Variants in RNF150 observed in about 807,000 individuals in gnomAD.
RNF150 encodes the protein ring finger protein 150.
A neutral mutation model predicts 39.3 loss-of-function variants in RNF150; 24 were observed. The ratio of observed to expected loss-of-function variants is 0.61; its 90% CI spans 0.44 to 0.86. RNF150 has a LOEUF of 0.86. Ranked by LOEUF, RNF150 falls within the 40% of genes least tolerant of loss-of-function variation. The pLI is 0.00. For missense variants in RNF150, 502 were observed against 587.8 expected, an observed-to-expected ratio of 0.85 and a Z score of 1.51; for synonymous variants, 255 against 227.3, an observed-to-expected ratio of 1.12 and a Z score of -1.10.
intron 1 of RNF150, among the ~76,000 whole-genome samples, chr4:141,171,460 A>AAGAGAGAG (rs67118049): frequency 1.5e-4 from 22 of 148,930 alleles, no homozygotes; most frequent in African/African-American, 5.2e-4. Flanking sequence ...GACAGACAGA[A>AAGAGAGAG]AGAGAGAGAG....
chr4:141,140,782 C>T (rs968772836), intron 1 of RNF150, among the ~76,000 whole-genome samples: 2 of 152,172 alleles, frequency 1.3e-5, no homozygotes, highest in Non-Finnish European at 2.9e-5. Context: ...AGGCCCTCTT[C>T]CTGCCCTTTC....
chr4:141,106,726 G>A (rs548803713), intron 1 of RNF150, among the ~76,000 whole-genome samples: 7 of 152,176 alleles, frequency 4.6e-5, no homozygotes, highest in South Asian at 4.1e-4. Context: ...CCCGGGAGGC[G>A]GAAATTGCAG....
intron 5 of RNF150, among the ~76,000 whole-genome samples, chr4:140,915,298 G>T (rs1730773700): frequency 6.6e-6 from 1 of 152,230 alleles, no homozygotes; most frequent in South Asian, 2.1e-4. Context: ...CATAAAAAGG[G>T]TTTCAGTTCG....
intron 1 of RNF150, among the ~76,000 whole-genome samples, chr4:141,176,755 G>A (rs1339495170): frequency 1.3e-5 from 2 of 151,832 alleles, no homozygotes; most frequent in Non-Finnish European, 2.9e-5. Context: ...CATTTCTGCT[G>A]GTTTTAATTT....
In RNF150 at chr4:141,069,846, G is replaced by A. The variant is rs535431713; in HGVS notation, c.484+62479C>T. The stretch of plus-strand genomic sequence containing the variant: ...CTTCTAGATTTTCTAGTTTATTTGC[G>A]TAGAGGTGTTTGTAGTATTCTCTGA... On this transcript the variant is annotated intron_variant, in intron 1 of 6. Coordinates refer to ENST00000515673, the MANE Select transcript of RNF150 (RefSeq NM_020724.2). Among the ~76,000 whole-genome samples the A allele has an allele frequency of 1.3e-4, 20 of 152,232 alleles. 1 individual carries two copies. Among genetic ancestry groups the A allele is most frequent in the South Asian group, 1.0e-3 (5 of 4,806 alleles).
intron 6 of RNF150, among the ~76,000 whole-genome samples, chr4:140,884,063 T>C (rs1729475594): frequency 6.6e-6 from 1 of 152,174 alleles, no homozygotes; most frequent in East Asian, 1.9e-4. Context: ...TCAAGTCTGC[T>C]GTTAATCTCC....
At chr4:141,153,736 A>G (rs1203848340) in intron 1 of RNF150, among the ~76,000 whole-genome samples, 1 of 152,122 alleles carries the variant, frequency 6.6e-6, no homozygotes, top group African/African-American at 2.4e-5. Flanking sequence ...ATATTTTTCT[A>G]TTTGTTTCCC....
chr4:140,921,024 C>A (rs1274540326), intron 5 of RNF150, among the ~76,000 whole-genome samples: 1 of 151,564 alleles, frequency 6.6e-6, no homozygotes, highest in South Asian at 2.1e-4. Context: ...ACATCACACT[C>A]TGGGGACTGT....
At chr4:140,976,748 T>C (rs910753897) in intron 1 of RNF150, among the ~76,000 whole-genome samples, 1 of 152,058 alleles carries the variant, frequency 6.6e-6, no homozygotes, top group African/African-American at 2.4e-5. Flanking sequence ...AAAATACCCT[T>C]AGCTCCCCTG....
intron 1 of RNF150, among the ~76,000 whole-genome samples, chr4:141,079,842 C>T (rs535509967): frequency 9.2e-5 from 14 of 152,318 alleles, no homozygotes; most frequent in Non-Finnish European, 1.3e-4. Context: ...GGAGCCAGAA[C>T]GTCTGTGGGA....
chr4:140,890,273 G>A (rs773545567), intron 6 of RNF150, among the ~76,000 whole-genome samples: 33 of 152,060 alleles, frequency 2.2e-4, no homozygotes, highest in African/African-American at 2.7e-4. Context: ...GATTTAATTC[G>A]TTATGTATTT....
rs985673065 is a variant in RNF150, at chr4:141,204,307, C to A, written c.-6+8487G>T. On this transcript the variant is annotated intron_variant, in intron 1 of 7. Transcript: ENST00000420921. Reference sequence around the variant, plus strand: ...AGAACAGAACAAAAGTTGTCATAATCTATTGGAAGTGAGAATTGAGAGAGA... The same window carrying A: ...AGAACAGAACAAAAGTTGTCATAATATATTGGAAGTGAGAATTGAGAGAGA... Among the ~76,000 whole-genome samples, 6 of 152,186 alleles carry A rather than the reference C, an allele frequency of 3.9e-5. No individual in the cohort carries two copies. In the East Asian group the frequency reaches 5.8e-4, roughly 15 times the overall value.
At chr4:141,070,454 A>G (rs1211306770) in intron 1 of RNF150, among the ~76,000 whole-genome samples, 2 of 147,928 alleles carry the variant, frequency 1.4e-5, no homozygotes, top group Non-Finnish European at 3.0e-5. Flanking sequence ...AACCTACAAA[A>G]TGGGAGAAAA....
intron 1 of RNF150, among the ~76,000 whole-genome samples, chr4:141,121,956 T>G (rs1351011986): frequency 2.6e-5 from 4 of 152,094 alleles, no homozygotes; most frequent in Admixed American, 2.6e-4. Flanking sequence ...CAACAGACCA[T>G]TTACATCAGA....
intron 1 of RNF150, among the ~76,000 whole-genome samples, chr4:141,024,501 C>G (rs1430816649): frequency 6.6e-6 from 1 of 152,130 alleles, no homozygotes; most frequent in East Asian, 1.9e-4. Context: ...TCCCAAGGCA[C>G]ATCAAATTAT....
At chr4:140,978,798 T>C (rs1302467819) in intron 1 of RNF150, among the ~76,000 whole-genome samples, 1 of 152,138 alleles carries the variant, frequency 6.6e-6, no homozygotes, top group African/African-American at 2.4e-5. Context: ...AACTTGCTGC[T>C]AGTTCTGTGA....
At chr4:141,008,867 G>C (rs1734963375) in intron 1 of RNF150, among the ~76,000 whole-genome samples, 2 of 150,244 alleles carry the variant, frequency 1.3e-5, no homozygotes, top group African/African-American at 4.9e-5. Context: ...TTCTTCTTCA[G>C]CATTATCCAG....
rs566531783 is a variant in RNF150 at position 140,967,521 on chromosome 4, G to A, written c.735+102C>T. The stretch of plus-strand genomic sequence containing the variant: ...ATGTTAACAGTGTTTATCTTGAGTG[G>A]GGATATTTTGGTTTTGGCTTGGTAT... On this transcript the variant is annotated intron_variant, in intron 2 of 6. Transcript: ENST00000515673. 42 of 823,178 alleles carry A rather than the reference G, an allele frequency of 5.1e-5. No individual in the cohort carries two copies. In the African/African-American group the frequency reaches 5.7e-4, roughly 11 times the overall value. The allele number at this position is 823,178 out of a possible 1,614,324, so 51.0% of individuals were successfully genotyped here.
chr4:141,211,992 C>CT (rs1728476023), intron 1 of RNF150, among the ~76,000 whole-genome samples: 2 of 152,144 alleles, frequency 1.3e-5, no homozygotes. Context: ...GCTTTCTCCA[C>CT]TTTGAGTTGA....
Sources: gnomAD v4.1 joint callset for allele counts (sites outside exome capture counted in the v4.1 genomes callset) on GRCh38, gnomAD v4.1.1 for gene constraint, MANE v1.5 for transcripts, NCBI Gene and HGNC (gene_info 2026-07-23, HGNC 2026-07-21) for gene names.